SEC61A1: variants seen among roughly 807,000 people sequenced by gnomAD.
SEC61A1 encodes protein transport protein Sec61 subunit alpha isoform 1.
In SEC61A1, 15 loss-of-function variants were observed where a neutral mutation model predicts 55.2. The ratio of observed to expected loss-of-function variants is 0.27; its 90% CI spans 0.18 to 0.42. The LOEUF (loss-of-function observed/expected upper bound fraction) is 0.42, where lower values mean the gene tolerates loss of function less well. Ranked by LOEUF, SEC61A1 falls within the 10% of genes least tolerant of loss-of-function variation. The probability of loss-of-function intolerance (pLI) is 1.00; values close to 1 mark genes in which losing one functional copy is unlikely to be tolerated. For missense variants in SEC61A1, 284 were observed against 602.6 expected (o/e 0.47, Z 5.53); for synonymous variants, 247 against 234.0 (o/e 1.06, Z -0.51).
upstream of SEC61A1, chr3:128,052,398 CCCGCGCCGCGCCGCGCCGCTTG>C (rs1941697506): frequency 8.2e-7 from 1 of 1,213,914 alleles, no homozygotes; most frequent in African/African-American, 1.6e-5. Context: ...CCGGCCCCGC[CCCGCGCCGCGCCGCGCCGCTTG>C]CCGCCGGGCT....
rs1393177161 is a variant in SEC61A1, at chr3:128,070,468, T to C, written c.*806T>C. 1 of 152,246 alleles carries C rather than the reference T, an allele frequency of 6.6e-6. No homozygotes were observed. The highest frequency in any genetic ancestry group is 2.4e-5 in the African/African-American group (1 of 41,456). 9.4% of individuals were successfully genotyped at this position (152,246 alleles called of 1,614,324 possible). On this transcript the variant is annotated 3_prime_UTR_variant, in exon 12 of 12. Transcript: ENST00000243253. ...CCGTTTGTCCAGATTCTGCCAGTCA[T>C]CACTGGACACGTCTCCTCGCAGCTG...
At chr3:128,061,590 G>A (rs1300161742) in intron 7 of SEC61A1, among the ~76,000 whole-genome samples, 1 of 152,222 alleles carries the variant, frequency 6.6e-6, no homozygotes, top group Non-Finnish European at 1.5e-5. Context: ...AGTGAAGGCT[G>A]CATGTGCCTA....
chr3:128,056,708 G>C lies in SEC61A1; in HGVS notation c.221-1G>C, dbSNP rs1204247777. On this transcript the variant is annotated splice_acceptor_variant, in intron 4 of 11. Coordinates refer to ENST00000243253, the MANE Select transcript of SEC61A1 (RefSeq NM_013336.4). LOFTEE classifies it high-confidence loss of function. ...CTGTTTTGCTTCCCCGTTTCCTCAAGGCACATTGATGGAGCTAGGGATCTC... is the reference window on the plus strand; with the variant it reads ...CTGTTTTGCTTCCCCGTTTCCTCAACGCACATTGATGGAGCTAGGGATCTC... 1 of 1,552,512 alleles carries C rather than the reference G, an allele frequency of 6.4e-7. No homozygotes were observed. The highest frequency in any genetic ancestry group is 1.4e-5 in the African/African-American group (1 of 72,938).
At chr3:128,053,709 AC>A (rs1375800776) in intron 2 of SEC61A1, among the ~76,000 whole-genome samples, 3 of 152,132 alleles carry the variant, frequency 2.0e-5, no homozygotes, top group African/African-American at 4.8e-5. Context: ...GTAAAGCTTT[AC>A]CCCCTCAATT....
At chr3:128,068,632 A>C (rs1295993239) in intron 11 of SEC61A1, 1 of 154,028 alleles carries the variant, frequency 6.5e-6, no homozygotes, top group Non-Finnish European at 1.4e-5. Context: ...GGGAGGCCAC[A>C]TACCTGCCAG....
intron 1 of SEC61A1, 81 bp downstream of exon 1, chr3:128,052,640 C>T (rs1941705705): frequency 6.4e-7 from 1 of 1,551,710 alleles, no homozygotes; most frequent in South Asian, 1.2e-5. Flanking sequence ...GGGCGCCCGC[C>T]GGCCAACCCT....
intron 11 of SEC61A1, 73 bp downstream of exon 11, chr3:128,068,132 GATAGGCCC>G: frequency 8.7e-7 from 1 of 1,149,984 alleles, no homozygotes; most frequent in East Asian, 2.3e-5. Context: ...AGGGCATCCT[GATAGGCCC>G]TAGCACTTAC....
At chr3:128,052,231 T>G, upstream of SEC61A1, 3 of 338,192 alleles carry the variant, frequency 8.9e-6, no homozygotes, top group Non-Finnish European at 5.3e-6. Context: ...ACACCCCCAG[T>G]CCCGGCGGGC....
rs199979946 is a variant in SEC61A1, at chr3:128,052,848, A to G, written c.21A>G (p.Glu7=). The G allele has an allele frequency of 1.9e-6, 3 of 1,613,644 alleles. No individual in the cohort carries two copies. The African/African-American group carries it at 4.0e-5, about 22-fold the overall frequency. The change falls in exon 2 of 12, where the codon GAA becomes GAG. Residue 7 remains glutamate, a synonymous_variant. Transcript: ENST00000243253. MAIKFL[E]VIKPFCVILP... ...CTCCCATCAAAGTCAAATTTCTGGA[A>G]GTCATCAAGCCCTTCTGTGTCATCC...
chr3:128,052,785 G>A (rs757549075), intron 1 of SEC61A1, 50 bp from the exon 2 acceptor site: 1 of 1,571,442 alleles, frequency 6.4e-7, no homozygotes, highest in Non-Finnish European at 8.8e-7. Context: ...TAGCGCGGAA[G>A]GTTACTTCTC....
chr3:128,065,732 A>ATTTT (rs758640768), intron 8 of SEC61A1, among the ~76,000 whole-genome samples: 20,188 of 97,336 alleles, frequency 0.21, 3,127 homozygotes, highest in South Asian at 0.25. Context: ...ATCATTAAGA[A>ATTTT]TTTTTTTTTT....
intron 5 of SEC61A1, among the ~76,000 whole-genome samples, chr3:128,058,658 C>CG (rs1199431981): frequency 1.3e-5 from 2 of 152,044 alleles, no homozygotes; most frequent in Non-Finnish European, 1.5e-5. Flanking sequence ...GCCAGGAGTT[C>CG]GTGACTAGCC....
rs371985916 is a variant in SEC61A1 at position 128,060,012 on chromosome 3, C to A, written c.353-90C>A. ...ACTGCTCTTCATCTTTGTTCTCCCC[C>A]GTGCCTGGCGTTGAATTGGTGTTTC... On this transcript the variant is annotated intron_variant, in intron 5 of 11. Coordinates refer to ENST00000243253, the MANE Select transcript of SEC61A1 (RefSeq NM_013336.4). 38 of 914,628 alleles carry A rather than the reference C, an allele frequency of 4.2e-5. No homozygotes were observed. In the South Asian group the frequency reaches 4.2e-4, roughly 10 times the overall value. The allele number at this position is 914,628 out of a possible 1,614,324, so 56.7% of individuals were successfully genotyped here.
rs1376454278 is a variant in SEC61A1 at position 128,069,724 on chromosome 3, T to A, written c.*62T>A. The stretch of plus-strand genomic sequence containing the variant: ...AAGCGCCTCGGAAGGGGAGCTCTCA[T>A]CATGGCGCGTGCTGCTGCGGCATAT... On this transcript the variant is annotated 3_prime_UTR_variant, in exon 12 of 12. Coordinates refer to ENST00000243253, the MANE Select transcript of SEC61A1 (RefSeq NM_013336.4). The A allele has an allele frequency of 1.4e-6, 2 of 1,405,186 alleles. No individual in the cohort carries two copies. Among genetic ancestry groups the A allele is most frequent in the African/African-American group, 2.8e-5 (2 of 70,230 alleles). The allele number at this position is 1,405,186 out of a possible 1,614,324, so 87.0% of individuals were successfully genotyped here. A position where few individuals can be genotyped will look rare whatever the true frequency, so the allele number is the denominator to read the frequency against.
chr3:128,052,398 CCCGCGCCGCG>C (rs558830396), upstream of SEC61A1: 2 of 1,214,160 alleles, frequency 1.6e-6, no homozygotes, highest in East Asian at 3.4e-5. Context: ...CCGGCCCCGC[CCCGCGCCGCG>C]CCGCGCCGCT....
intron 7 of SEC61A1, among the ~76,000 whole-genome samples, 177 bp downstream of exon 7, chr3:128,060,838 A>G (rs1301783721): frequency 6.6e-6 from 1 of 152,242 alleles, no homozygotes; most frequent in African/African-American, 2.4e-5. Context: ...GCTTGTAATT[A>G]TGATGATACC....
At position 128,056,665 on chromosome 3, in the gene SEC61A1, T is replaced by C. The variant is rs764216968; in HGVS notation, c.221-44T>C. 7.7e-6 allele frequency: 11 copies of C among 1,435,152 alleles called. No individual in the cohort carries two copies. The South Asian group carries it at 9.8e-5, about 13-fold the overall frequency. 88.9% of individuals were successfully genotyped at this position (1,435,152 alleles called of 1,614,324 possible). On this transcript the variant is annotated intron_variant, in intron 4 of 11. Coordinates refer to ENST00000243253, the MANE Select transcript of SEC61A1 (RefSeq NM_013336.4). The stretch of plus-strand genomic sequence containing the variant: ...TTCATTTTTAAAATAACGTACTACG[T>C]TTCCAAGCTGATATTGACTGTTTTG...
chr3:128,057,962 G>A (rs905976146), intron 5 of SEC61A1, among the ~76,000 whole-genome samples: 1 of 151,984 alleles, frequency 6.6e-6, no homozygotes, highest in African/African-American at 2.4e-5. Context: ...TAGCTCTTAT[G>A]TTTCACTTTC....
intron 6 of SEC61A1, 115 bp from the exon 7 acceptor site, chr3:128,060,393 G>T: frequency 8.2e-7 from 1 of 1,221,810 alleles, no homozygotes; most frequent in East Asian, 2.3e-5. Context: ...CTGGGGCTGA[G>T]GATGTGATCT....
Sources: gnomAD v4.1 joint callset for allele counts (sites outside exome capture counted in the v4.1 genomes callset) on GRCh38, gnomAD v4.1.1 for gene constraint, MANE v1.5 for transcripts, NCBI Gene and HGNC (gene_info 2026-07-23, HGNC 2026-07-21) for gene names.